Variants in ZMYM2 observed in about 807,000 individuals in gnomAD.
ZMYM2 encodes the protein zinc finger MYM-type containing 2.
In ZMYM2, 56 loss-of-function variants were observed where a neutral mutation model predicts 162.8. The observed-to-expected ratio is 0.34, with a 90% CI of 0.28 to 0.43. The LOEUF (loss-of-function observed/expected upper bound fraction) is 0.43. Among genes scored for constraint, ZMYM2 ranks in the 20% least tolerant of loss-of-function variants. The pLI, the probability that ZMYM2 is intolerant of heterozygous loss-of-function variation, is 1.00. For synonymous variants in ZMYM2, 510 were observed against 541.6 expected, an observed-to-expected ratio of 0.94 and a Z score of 0.81; for missense variants, 1,275 against 1,621.8, an observed-to-expected ratio of 0.79 and a Z score of 3.67.
At chr13:20,066,750 G>A (rs1323960790) in intron 19 of ZMYM2, 101 bp from the exon 20 acceptor site, 1 of 1,202,370 alleles carries the variant, frequency 8.3e-7, no homozygotes, top group Non-Finnish European at 1.1e-6. Context: ...TGTTGCTCAA[G>A]GGTCAATTGT....
At chr13:19,910,014 G>C in the ZMYM2 span, among the ~76,000 whole-genome samples, 2 of 149,734 alleles carry the variant, frequency 1.3e-5, no homozygotes, top group Non-Finnish European at 3.0e-5. Flanking sequence ...AGGAGATCGA[G>C]ACCATCCTGG....
the ZMYM2 span, among the ~76,000 whole-genome samples, chr13:19,944,166 G>A: frequency 6.6e-6 from 1 of 151,984 alleles, no homozygotes; most frequent in African/African-American, 2.4e-5. Context: ...AAAGAAACAA[G>A]AACAATTGCC....
intron 1 of ZMYM2, among the ~76,000 whole-genome samples, chr13:19,959,482 C>G (rs1472182538): frequency 2.6e-5 from 4 of 152,066 alleles, no homozygotes; most frequent in Non-Finnish European, 5.9e-5. Flanking sequence ...GCAGCGCTGC[C>G]GGTCGCCGAC....
chr13:20,008,151 A>G (rs1950894199), intron 6 of ZMYM2, among the ~76,000 whole-genome samples: 1 of 151,598 alleles, frequency 6.6e-6, no homozygotes, highest in Non-Finnish European at 1.5e-5. Flanking sequence ...TTGTTTTGAG[A>G]CAGGGTCTTG....
intron 2 of ZMYM2, among the ~76,000 whole-genome samples, chr13:19,961,212 A>G (rs1197104307): frequency 6.6e-6 from 1 of 152,046 alleles, no homozygotes; most frequent in Non-Finnish European, 1.5e-5. Context: ...ACATTCTAAA[A>G]TTATCAATAC....
At chr13:20,016,997 G>A (rs1951685268) in intron 6 of ZMYM2, among the ~76,000 whole-genome samples, 1 of 152,134 alleles carries the variant, frequency 6.6e-6, no homozygotes, top group Non-Finnish European at 1.5e-5. Flanking sequence ...GGGCCCCTTA[G>A]GCTTTTGCTT....
intron 7 of ZMYM2, among the ~76,000 whole-genome samples, chr13:20,020,486 A>G (rs904649409): frequency 1.2e-4 from 19 of 152,014 alleles, no homozygotes; most frequent in Non-Finnish European, 2.5e-4. Flanking sequence ...CGGCCTCCCA[A>G]GTGTTGGCGT....
intron 14 of ZMYM2, among the ~76,000 whole-genome samples, chr13:20,056,822 C>T (rs926320711): frequency 1.3e-5 from 2 of 151,884 alleles, no homozygotes; most frequent in Admixed American, 6.6e-5. Flanking sequence ...AAAATGTGGC[C>T]CTATGCTTGA....
At chr13:20,029,733 A>G (rs1334189830) in intron 9 of ZMYM2, among the ~76,000 whole-genome samples, 2 of 152,200 alleles carry the variant, frequency 1.3e-5, no homozygotes, top group Non-Finnish European at 2.9e-5. Context: ...TGTCCTCACC[A>G]TTCAGATTAG....
the ZMYM2 span, among the ~76,000 whole-genome samples, chr13:19,888,910 T>C: frequency 3.9e-5 from 6 of 152,040 alleles, no homozygotes; most frequent in Non-Finnish European, 8.8e-5. Flanking sequence ...TTATTTATTT[T>C]GACTTTAAAT....
At chr13:19,931,126 G>A in the ZMYM2 span, among the ~76,000 whole-genome samples, 8 of 140,376 alleles carry the variant, frequency 5.7e-5, no homozygotes, top group African/African-American at 1.1e-4. Flanking sequence ...GTGAAAGAGC[G>A]AGACTCTCTC....
the ZMYM2 span, among the ~76,000 whole-genome samples, chr13:19,900,581 T>C: frequency 6.6e-6 from 1 of 152,192 alleles, no homozygotes; most frequent in African/African-American, 2.4e-5. Flanking sequence ...GGAGCACTTC[T>C]GAATTGATTT....
At chr13:19,998,799 T>C (rs1950193899) in intron 3 of ZMYM2, among the ~76,000 whole-genome samples, 3 of 152,172 alleles carry the variant, frequency 2.0e-5, no homozygotes, top group Non-Finnish European at 4.4e-5. Flanking sequence ...TTTTAAAGTT[T>C]TGGTAGTAAA....
At chr13:19,931,702 C>T in the ZMYM2 span, among the ~76,000 whole-genome samples, 1 of 152,238 alleles carries the variant, frequency 6.6e-6, no homozygotes, top group Non-Finnish European at 1.5e-5. Flanking sequence ...TGGCTCACTG[C>T]AGCCTTGACT....
the ZMYM2 span, among the ~76,000 whole-genome samples, chr13:19,910,021 C>CA: frequency 1.3e-5 from 2 of 150,322 alleles, no homozygotes; most frequent in South Asian, 4.2e-4. Context: ...CGAGACCATC[C>CA]TGGCCAACAT....
chr13:20,055,570 T>C (rs574263353), intron 14 of ZMYM2, among the ~76,000 whole-genome samples: 1 of 152,330 alleles, frequency 6.6e-6, no homozygotes, highest in South Asian at 2.1e-4. Context: ...AAAGCTGTGA[T>C]GTACCTTATG....
At chr13:19,925,870 CAA>C in the ZMYM2 span, among the ~76,000 whole-genome samples, 325 of 128,998 alleles carry the variant, frequency 2.5e-3, 1 homozygote, top group African/African-American at 5.6e-3. Flanking sequence ...GACTCCATCT[CAA>C]AAAAAAAAAA....
the ZMYM2 span, among the ~76,000 whole-genome samples, chr13:19,934,291 G>A: frequency 6.6e-6 from 1 of 152,082 alleles, no homozygotes; most frequent in African/African-American, 2.4e-5. Flanking sequence ...CTCCTGAGTA[G>A]CTGGGACTAC....
intron 12 of ZMYM2, among the ~76,000 whole-genome samples, chr13:20,046,603 GTGTGTA>G (rs1954826614): frequency 9.6e-6 from 1 of 104,702 alleles, no homozygotes; most frequent in African/African-American, 4.1e-5. Context: ...GTGTGTGTGT[GTGTGTA>G]TATATATGTG....
Sources: allele counts gnomAD v4.1 joint callset (sites outside exome capture counted in the v4.1 genomes callset), GRCh38; gene constraint gnomAD v4.1.1; transcripts MANE v1.5; gene names NCBI Gene and HGNC (gene_info 2026-07-23, HGNC 2026-07-21).